Variants in GPR39 observed in about 807,000 individuals in gnomAD.
The protein encoded by GPR39 is zinc sensing receptor.
GPR39 carries 23 observed loss-of-function variants against 18.4 expected under a neutral mutation model. The observed-to-expected ratio is 1.25, with a 90% CI of 0.90 to 1.77. GPR39 has a LOEUF of 1.77. GPR39 is among the 40% of genes most tolerant of loss of function. GPR39 has a pLI of 0.00. For missense variants in GPR39, 647 were observed against 602.4 expected, an observed-to-expected ratio of 1.07 and a Z score of -0.78; for synonymous variants, 280 against 257.9, an observed-to-expected ratio of 1.09 and a Z score of -0.82.
At chr2:132,441,549 T>A (rs564920336) in intron 1 of GPR39, among the ~76,000 whole-genome samples, 1 of 152,264 alleles carries the variant, frequency 6.6e-6, no homozygotes, top group East Asian at 1.9e-4. Context: ...CTTGGTGCTG[T>A]GTGTGGGAAG....
chr2:132,580,599 A>G (rs1441086444), intron 1 of GPR39, among the ~76,000 whole-genome samples: 2 of 152,204 alleles, frequency 1.3e-5, no homozygotes, highest in Admixed American at 6.5e-5. Context: ...CAAGCCAGGT[A>G]TTAGAACCAA....
chr2:132,618,286 C>G (rs945945030), intron 1 of GPR39, among the ~76,000 whole-genome samples: 3 of 152,224 alleles, frequency 2.0e-5, no homozygotes, highest in Admixed American at 1.3e-4. Context: ...TCATTTCAGC[C>G]TGAGATCAAT....
Position 132,524,786 on chromosome 2 carries a change from GTAT to G in GPR39, c.856+106894_856+106896del, listed in dbSNP as rs201874686. Among the ~76,000 whole-genome samples, 1,034 of 152,294 alleles carry G rather than the reference GTAT, an allele frequency of 6.8e-3. 14 individuals carry two copies. The highest frequency in any genetic ancestry group is 0.024 in the African/African-American group (1,005 of 41,546). ...AAAGATGTAGGAAGCACAGAGAATA[GTAT>G]TATTACATGTACTCAGAAGTCACAC... On this transcript the variant is annotated intron_variant, in intron 1 of 1. Transcript: ENST00000329321.
chr2:132,434,904 G>A (rs903766393), intron 1 of GPR39, among the ~76,000 whole-genome samples: 2 of 152,182 alleles, frequency 1.3e-5, no homozygotes, highest in Non-Finnish European at 1.5e-5. Flanking sequence ...CACCACACCA[G>A]AGGAAATAAC....
chr2:132,565,000 G>T (rs1447134601), intron 1 of GPR39, among the ~76,000 whole-genome samples: 2 of 151,424 alleles, frequency 1.3e-5, no homozygotes, highest in South Asian at 4.2e-4. Flanking sequence ...TGTATTTTTA[G>T]TAGAGATCGG....
chr2:132,577,941 T>C (rs1680556576), intron 1 of GPR39, among the ~76,000 whole-genome samples: 1 of 152,198 alleles, frequency 6.6e-6, no homozygotes, highest in Admixed American at 6.5e-5. Flanking sequence ...AAAGACATTC[T>C]TGCCTTGTTC....
chr2:132,446,478 G>A (rs1680540351), intron 1 of GPR39, among the ~76,000 whole-genome samples: 1 of 152,212 alleles, frequency 6.6e-6, no homozygotes, highest in Non-Finnish European at 1.5e-5. Flanking sequence ...TGTGCACCAG[G>A]CATTGTGCTA....
At chr2:132,621,146 T>G (rs541652453) in intron 1 of GPR39, among the ~76,000 whole-genome samples, 1 of 152,276 alleles carries the variant, frequency 6.6e-6, no homozygotes, top group East Asian at 1.9e-4. Context: ...TGACCGCAGC[T>G]GCTTCCCTGG....
chr2:132,590,003 A>G (rs192154320), intron 1 of GPR39, among the ~76,000 whole-genome samples: 144 of 152,358 alleles, frequency 9.5e-4, no homozygotes, highest in Middle Eastern at 3.4e-3. Context: ...GTTCATTTGA[A>G]CAAAAACATG....
chr2:132,461,895 A>G (rs1341857006), intron 1 of GPR39, among the ~76,000 whole-genome samples: 2 of 152,186 alleles, frequency 1.3e-5, no homozygotes, highest in Non-Finnish European at 2.9e-5. Flanking sequence ...CACACACATT[A>G]GTGAGAACCC....
At chr2:132,518,045 A>T (rs1679364047) in intron 1 of GPR39, among the ~76,000 whole-genome samples, 1 of 152,218 alleles carries the variant, frequency 6.6e-6, no homozygotes, top group Non-Finnish European at 1.5e-5. Context: ...TCTTCACTTT[A>T]ATAACAATCT....
chr2:132,545,801 G>A (rs1558834631), intron 1 of GPR39, among the ~76,000 whole-genome samples: 1 of 152,130 alleles, frequency 6.6e-6, no homozygotes, highest in African/African-American at 2.4e-5. Flanking sequence ...CTGGGATTCT[G>A]CATTTCTAAC....
At chr2:132,508,651 C>T (rs1177518260) in intron 1 of GPR39, among the ~76,000 whole-genome samples, 2 of 152,154 alleles carry the variant, frequency 1.3e-5, no homozygotes, top group Admixed American at 6.5e-5. Context: ...GTACTAAAAA[C>T]CATATCTGTA....
chr2:132,434,024 C>A (rs1280329172), intron 1 of GPR39, among the ~76,000 whole-genome samples: 2 of 151,862 alleles, frequency 1.3e-5, no homozygotes, highest in Non-Finnish European at 2.9e-5. Flanking sequence ...GACAAGATAA[C>A]AGGAGAAGCA....
intron 1 of GPR39, among the ~76,000 whole-genome samples, chr2:132,578,379 C>T (rs1680565073): frequency 6.6e-6 from 1 of 151,870 alleles, no homozygotes; most frequent in African/African-American, 2.4e-5. Flanking sequence ...AGCATAAAAC[C>T]AACAACATAA....
chr2:132,619,321 A>G (rs1202623616), intron 1 of GPR39, among the ~76,000 whole-genome samples: 1 of 152,198 alleles, frequency 6.6e-6, no homozygotes, highest in African/African-American at 2.4e-5. Flanking sequence ...TCCGGCAAGC[A>G]TGGGTAAGGG....
At chr2:132,458,677 A>G (rs1430765226) in intron 1 of GPR39, among the ~76,000 whole-genome samples, 1 of 151,964 alleles carries the variant, frequency 6.6e-6, no homozygotes, top group Non-Finnish European at 1.5e-5. Flanking sequence ...TCTTGATGAC[A>G]AAGTTTTGAA....
chr2:132,615,599 G>A (rs1487881176), intron 1 of GPR39, among the ~76,000 whole-genome samples: 1 of 152,172 alleles, frequency 6.6e-6, no homozygotes, highest in Non-Finnish European at 1.5e-5. Context: ...TCTCTTAAAT[G>A]CCAGCTACTG....
At chr2:132,586,629 C>A (rs919611725) in intron 1 of GPR39, among the ~76,000 whole-genome samples, 1 of 152,226 alleles carries the variant, frequency 6.6e-6, no homozygotes, top group Non-Finnish European at 1.5e-5. Context: ...CTGCTGAATT[C>A]AGGCCTGGCA....
Sources: allele counts gnomAD v4.1 joint callset (sites outside exome capture counted in the v4.1 genomes callset), GRCh38; gene constraint gnomAD v4.1.1; transcripts MANE v1.5; gene names NCBI Gene and HGNC (gene_info 2026-07-23, HGNC 2026-07-21).